The following SEMA3A variants were observed in gnomAD, a reference collection of about 807,000 sequenced individuals.
SEMA3A encodes semaphorin-3A.
A neutral mutation model predicts 97.9 loss-of-function variants in SEMA3A; 29 were observed. The observed-to-expected ratio is 0.30, with a 90% confidence interval of 0.22 to 0.40. SEMA3A has a LOEUF of 0.40. SEMA3A is among the 10% of genes least tolerant of loss of function. The pLI is 1.00. For synonymous variants in SEMA3A, 321 were observed against 323.7 expected (o/e 0.99, Z 0.09); for missense variants, 763 against 951.3 (o/e 0.80, Z 2.60).
At chr7:84,337,330 T>C (rs1434114932) in intron 2 of SEMA3A, among the ~76,000 whole-genome samples, 1 of 152,180 alleles carries the variant, frequency 6.6e-6, no homozygotes, top group Non-Finnish European at 1.5e-5. Flanking sequence ...GTGTAATATA[T>C]ACATAAATGC....
intron 6 of SEMA3A, among the ~76,000 whole-genome samples, chr7:84,036,610 T>C (rs979617781): frequency 1.6e-4 from 25 of 152,080 alleles, no homozygotes; most frequent in African/African-American, 6.0e-4. Context: ...CTTGAGAATA[T>C]AAAAATACTT....
intron 12 of SEMA3A, among the ~76,000 whole-genome samples, chr7:83,996,300 C>A: frequency 8.9e-6 from 1 of 111,992 alleles, no homozygotes; most frequent in Non-Finnish European, 1.9e-5. Context: ...TACTAGTAAT[C>A]TTTTTTTTTT....
chr7:84,454,384 A>G (rs573923487), intron 1 of SEMA3A, among the ~76,000 whole-genome samples: 19 of 152,192 alleles, frequency 1.2e-4, no homozygotes, highest in Non-Finnish European at 2.1e-4. Flanking sequence ...TTAAGGTAAC[A>G]GCTTAGTTAC....
intron 5 of SEMA3A, among the ~76,000 whole-genome samples, chr7:84,054,189 T>A (rs1363980737): frequency 6.6e-6 from 1 of 152,268 alleles, no homozygotes; most frequent in Non-Finnish European, 1.5e-5. Flanking sequence ...CAATTATGTG[T>A]CTTGGAGTTG....
At chr7:84,180,006 G>A (rs1797691302) in intron 1 of SEMA3A, among the ~76,000 whole-genome samples, 1 of 143,692 alleles carries the variant, frequency 7.0e-6, no homozygotes, top group Non-Finnish European at 1.5e-5. Context: ...TCTTGTTGTG[G>A]CGCGATCTCG....
At chr7:84,253,552 G>A (rs529335918) in intron 3 of SEMA3A, among the ~76,000 whole-genome samples, 2 of 152,114 alleles carry the variant, frequency 1.3e-5, no homozygotes, top group African/African-American at 2.4e-5. Context: ...GATGCATAAT[G>A]TATGTATTCC....
At chr7:84,451,617 T>G (rs1805558492) in intron 1 of SEMA3A, among the ~76,000 whole-genome samples, 1 of 152,192 alleles carries the variant, frequency 6.6e-6, no homozygotes, top group African/African-American at 2.4e-5. Context: ...CTCTTGTTTA[T>G]AAAGCCTCTA....
chr7:84,185,105 T>C (rs553209082), intron 1 of SEMA3A, among the ~76,000 whole-genome samples: 1 of 152,244 alleles, frequency 6.6e-6, no homozygotes, highest in East Asian at 1.9e-4. Flanking sequence ...ATTAGAAAAA[T>C]AACGGTATAT....
At chr7:84,297,532 T>C (rs1562891218) in intron 3 of SEMA3A, among the ~76,000 whole-genome samples, 1 of 152,188 alleles carries the variant, frequency 6.6e-6, no homozygotes, top group Non-Finnish European at 1.5e-5. Flanking sequence ...TTTCATAGTA[T>C]AGATGAAAAT....
At position 84,269,635 on chromosome 7, in the gene SEMA3A, T is replaced by C. The variant is rs112379343; in HGVS notation, c.-83+37572A>G. Among the ~76,000 whole-genome samples the C allele has an allele frequency of 3.3e-5, 5 of 152,274 alleles. 1 individual carries two copies. Among genetic ancestry groups the C allele is most frequent in the African/African-American group, 1.2e-4 (5 of 41,578 alleles). On this transcript the variant is annotated intron_variant, in intron 3 of 3. Transcript: ENST00000424555. ...AGTCAAACATCTTGCTTCTGCAACA[T>C]GATCTATGTTAGTCTAATGTTAAGG...
intron 3 of SEMA3A, among the ~76,000 whole-genome samples, chr7:84,293,323 G>T (rs1584209245): frequency 1.3e-5 from 2 of 151,996 alleles, no homozygotes; most frequent in Non-Finnish European, 2.9e-5. Context: ...CTTCTCAATG[G>T]AGTTGGAATT....
At chr7:84,158,784 C>T (rs544526724) in intron 1 of SEMA3A, among the ~76,000 whole-genome samples, 1 of 152,292 alleles carries the variant, frequency 6.6e-6, no homozygotes, top group South Asian at 2.1e-4. Context: ...CTTACATTGA[C>T]ACTTGCAAAT....
In SEMA3A at chr7:84,306,227, T is replaced by C. The variant is rs186631171; in HGVS notation, c.-83+980A>G. On this transcript the variant is annotated intron_variant, in intron 3 of 3. Coordinates refer to the SEMA3A transcript ENST00000424555. ...TAGCATTATATATTTTTTCATAAAT[T>C]TTTTACTTTTATTGGTACTAATATG... 1.2e-3 allele frequency among the ~76,000 whole-genome samples: 182 copies of C among 151,994 alleles called. 1 individual carries two copies. Among genetic ancestry groups the C allele is most frequent in the African/African-American group, 4.2e-3 (173 of 41,516 alleles).
At chr7:84,030,532 G>A (rs1228844178) in intron 6 of SEMA3A, among the ~76,000 whole-genome samples, 1 of 137,848 alleles carries the variant, frequency 7.3e-6, no homozygotes, top group Admixed American at 7.4e-5. Context: ...TTAAATCTCT[G>A]AGAAGAAAGA....
intron 1 of SEMA3A, among the ~76,000 whole-genome samples, chr7:84,490,199 C>CAA (rs35030948): frequency 0.24 from 24,040 of 100,734 alleles, 2,381 homozygotes; most frequent in Middle Eastern, 0.31. Flanking sequence ...GCTTTTCCAG[C>CAA]AAAAAAAAAA....
rs1310318006 is a variant in SEMA3A at position 83,980,623 on chromosome 7, A to AAAAAAT, written c.1652+697_1652+698insATTTTT. Among the ~76,000 whole-genome samples, 130 of 71,714 alleles carry AAAAAAT rather than the reference A, an allele frequency of 1.8e-3. 1 individual carries two copies. Among genetic ancestry groups the AAAAAAT allele is most frequent in the East Asian group, 4.5e-3 (14 of 3,098 alleles). 47.0% of individuals were successfully genotyped at this position (71,714 alleles called of 152,430 possible). On this transcript the variant is annotated intron_variant, in intron 14 of 16. Transcript: ENST00000265362. The stretch of plus-strand genomic sequence containing the variant: ...CATCTCAAAAAAAAAAAAAAAAAAA[A>AAAAAAT]ATATATATATATATATACACACACA...
intron 1 of SEMA3A, among the ~76,000 whole-genome samples, chr7:84,160,962 C>A (rs938830175): frequency 6.6e-6 from 1 of 152,110 alleles, no homozygotes; most frequent in Admixed American, 6.6e-5. Flanking sequence ...GAAGACAGGA[C>A]CCTTATCACA....
chr7:84,321,935 A>G (rs1485323245), intron 2 of SEMA3A, among the ~76,000 whole-genome samples: 2 of 148,972 alleles, frequency 1.3e-5, no homozygotes, highest in African/African-American at 4.9e-5. Context: ...GAGACTGCAT[A>G]ATTTATAAAG....
At chr7:84,282,791 A>T (rs569221726) in intron 3 of SEMA3A, among the ~76,000 whole-genome samples, 32 of 152,218 alleles carry the variant, frequency 2.1e-4, no homozygotes, top group African/African-American at 7.0e-4. Context: ...AGGTGGGCGG[A>T]TGACTTGAGG....
Sources: gnomAD v4.1 joint callset for allele counts (sites outside exome capture counted in the v4.1 genomes callset) on GRCh38, gnomAD v4.1.1 for gene constraint, MANE v1.5 for transcripts, NCBI Gene and HGNC (gene_info 2026-07-23, HGNC 2026-07-21) for gene names.